The following ADGRG6 variants were observed in gnomAD, a reference collection of about 807,000 sequenced individuals.
ADGRG6 encodes the protein adhesion G protein-coupled receptor G6, also known as G-protein coupled receptor 126.
Under a neutral mutation model 142.4 loss-of-function variants are expected in ADGRG6, and 84 were observed. That is an observed-to-expected ratio of 0.59 (90% CI 0.49 to 0.71). The LOEUF (loss-of-function observed/expected upper bound fraction) is 0.71, where lower values mean the gene tolerates loss of function less well. ADGRG6 is among the 30% of genes least tolerant of loss of function. ADGRG6 has a pLI of 0.00. For missense variants in ADGRG6, 1,367 were observed against 1,466.6 expected, an observed-to-expected ratio of 0.93 and a Z score of 1.11; for synonymous variants, 521 against 520.5, an observed-to-expected ratio of 1.00 and a Z score of -0.01.
Position 142,409,912 on chromosome 6 carries a change from C to T in ADGRG6, c.2427C>T (p.Asn809=), listed in dbSNP as rs1209805688. 4.8e-6 allele frequency: 7 copies of T among 1,450,200 alleles called. No homozygotes were observed. Among genetic ancestry groups the T allele is most frequent in the Non-Finnish European group, 6.7e-6 (7 of 1,047,406 alleles). 89.8% of individuals were successfully genotyped at this position (1,450,200 alleles called of 1,614,324 possible). ...HHPICAFWDL[N]KNKSFGGWNT... ...CCATCTGTGCCTTCTGGGATCTGAA[C>T]AAAAACAGTAAGTTTTAAAATATTG... The change falls in exon 17 of 25, where the codon AAC becomes AAT. Residue 809 remains asparagine, a synonymous_variant. Transcript: ENST00000367609.
intron 24 of ADGRG6, among the ~76,000 whole-genome samples, chr6:142,440,158 G>A (rs537559961): frequency 6.6e-6 from 1 of 152,160 alleles, no homozygotes; most frequent in Non-Finnish European, 1.5e-5. Context: ...GATAGAAAGG[G>A]CTATAGGATT....
intron 14 of ADGRG6, 35 bp downstream of exon 14, chr6:142,404,008 T>A (rs1775671864): frequency 6.7e-7 from 1 of 1,485,744 alleles, no homozygotes; most frequent in Non-Finnish European, 9.4e-7. Flanking sequence ...TTTTAATTAA[T>A]TAGTTAGACA....
chr6:142,336,115 GTGTGCAGGTCTA>G (rs1216051439), intron 2 of ADGRG6, among the ~76,000 whole-genome samples: 2 of 152,144 alleles, frequency 1.3e-5, no homozygotes, highest in African/African-American at 2.4e-5. Flanking sequence ...GTGCCTCTCT[GTGTGCAGGTCTA>G]TGTGCAGGTC....
rs1289250831 is a variant in ADGRG6, at chr6:142,402,797, G to A, written c.1922G>A (p.Ser641Asn). 6.3e-7 allele frequency: 1 copy of A among 1,592,372 alleles called. No individual in the cohort carries two copies. Among genetic ancestry groups the A allele is most frequent in the Non-Finnish European group, 8.6e-7 (1 of 1,167,620 alleles). Residue 641 changes from serine to asparagine, a missense_variant, in exon 13 of 25, where the codon AGT (serine) becomes AAT (asparagine). Physicochemically the swap from Ser to Asn is conservative, Grantham distance 46. Coordinates refer to ENST00000367609, the MANE Select transcript of ADGRG6 (RefSeq NM_198569.3). ...LMNIFSNILSSSDSDLLESSS... is the reference protein window; with the variant it reads ...LMNIFSNILSNSDSDLLESSS... ...AATATATTTTCTAATATCTTAAGCAGTTCAGACAGTGACTTGCTTGAGTCA... is the reference window on the plus strand; with the variant it reads ...AATATATTTTCTAATATCTTAAGCAATTCAGACAGTGACTTGCTTGAGTCA...
intron 22 of ADGRG6, among the ~76,000 whole-genome samples, chr6:142,427,755 A>T (rs1777019111): frequency 1.3e-5 from 2 of 152,174 alleles, no homozygotes; most frequent in South Asian, 4.1e-4. Flanking sequence ...ATCAGGGCGG[A>T]GGGCAAGAAG....
rs765615712 is a variant in ADGRG6, at chr6:142,417,321, A to G, written c.2987A>G (p.Asn996Ser). 1.2e-5 allele frequency: 19 copies of G among 1,605,768 alleles called. No homozygotes were observed. In the Admixed American group the frequency reaches 1.8e-4, roughly 16 times the overall value. ...GTTGTTCTAGCGAGCAGAAACAACA[A>G]TGAAGTCTATGGAAAAGAAAGTTAT... ...VSVVLASRNN[N>S]EVYGKESYGK... is the part of the protein sequence containing the mutation. The change falls in exon 21 of 25, where the codon AAT becomes AGT. Residue 996 changes from asparagine to serine, a missense_variant. By Grantham distance (46) the Asn-to-Ser change is conservative. Transcript: ENST00000367609.
At chr6:142,425,534 C>G (rs1223535312) in intron 22 of ADGRG6, among the ~76,000 whole-genome samples, 1 of 152,152 alleles carries the variant, frequency 6.6e-6, no homozygotes, top group Admixed American at 6.6e-5. Flanking sequence ...CTTTAGAATG[C>G]AGAGCAACAT....
chr6:142,392,417 TA>T (rs2114977849), intron 7 of ADGRG6, among the ~76,000 whole-genome samples: 1 of 152,042 alleles, frequency 6.6e-6, no homozygotes, highest in Non-Finnish European at 1.5e-5. Context: ...GAACTTATTT[TA>T]TTTTTTTAAT....
At chr6:142,398,946 A>G (rs562463436) in intron 10 of ADGRG6, among the ~76,000 whole-genome samples, 5 of 152,242 alleles carry the variant, frequency 3.3e-5, no homozygotes, top group Admixed American at 2.6e-4. Context: ...CTTACTTCCC[A>G]CATATTTCCA....
chr6:142,417,256 TG>T lies in ADGRG6; in HGVS notation c.2939-15del. 2 of 1,346,762 alleles carry T rather than the reference TG, an allele frequency of 1.5e-6. No individual in the cohort carries two copies. The highest frequency in any genetic ancestry group is 2.1e-6 in the Non-Finnish European group (2 of 939,752). The allele number at this position is 1,346,762 out of a possible 1,614,324, so 83.4% of individuals were successfully genotyped here. ...AGATGCTTCAAAAGAGTTTGTGTCA[TG>T]GTGTTTTTGTAACAGGTTTGCCTGC... On this transcript the variant is annotated splice_polypyrimidine_tract_variant and intron_variant, in intron 20 of 24. Coordinates refer to ENST00000367609, the MANE Select transcript of ADGRG6 (RefSeq NM_198569.3).
At chr6:142,412,694 A>T (rs1776145602) in intron 18 of ADGRG6, among the ~76,000 whole-genome samples, 2 of 152,242 alleles carry the variant, frequency 1.3e-5, no homozygotes, top group Admixed American at 1.3e-4. Context: ...TTAAGTAATT[A>T]TAAAAGAAAA....
At chr6:142,359,516 G>A (rs1410031036) in intron 2 of ADGRG6, among the ~76,000 whole-genome samples, 1 of 151,976 alleles carries the variant, frequency 6.6e-6, no homozygotes, top group Non-Finnish European at 1.5e-5. Context: ...CCTTTACTTG[G>A]CTCACTCCCA....
At chr6:142,325,130 T>A (rs1394037795) in intron 2 of ADGRG6, among the ~76,000 whole-genome samples, 1 of 152,110 alleles carries the variant, frequency 6.6e-6, no homozygotes. Context: ...AAAAAGTACA[T>A]AGGATTTAAG....
At chr6:142,358,919 C>T (rs1368679845) in intron 2 of ADGRG6, among the ~76,000 whole-genome samples, 1 of 150,392 alleles carries the variant, frequency 6.6e-6, no homozygotes, top group Non-Finnish European at 1.5e-5. Context: ...CTGTGCTGGC[C>T]TGGTGCAGTG....
At chr6:142,427,731 G>A (rs1004373747) in intron 22 of ADGRG6, among the ~76,000 whole-genome samples, 1 of 152,174 alleles carries the variant, frequency 6.6e-6, no homozygotes, top group African/African-American at 2.4e-5. Context: ...CCATGTGACT[G>A]GGGAAGCCTC....
In ADGRG6 at chr6:142,402,721, A is replaced by T; in HGVS notation, c.1846A>T (p.Ile616Phe). The T allele has an allele frequency of 6.2e-7, 1 of 1,601,994 alleles. No homozygotes were observed. The highest frequency in any genetic ancestry group is 8.6e-7 in the Non-Finnish European group (1 of 1,169,494). The change falls in exon 13 of 25, where the codon ATT becomes TTT. Residue 616 changes from isoleucine (I) to phenylalanine (F), a missense_variant. Physicochemically the swap from Ile to Phe is conservative, Grantham distance 21 (BLOSUM62 0). Transcript: ENST00000367609. ...CAACATTGTGGAACAGGTCAAAAGAATTGTGAATAAAGAAGAAAACATTGA... is the reference window on the plus strand; with the variant it reads ...CAACATTGTGGAACAGGTCAAAAGATTTGTGAATAAAGAAGAAAACATTGA... ...ITNIVEQVKR[I>F]VNKEENIDIT...
intron 2 of ADGRG6, 45 bp downstream of exon 2, chr6:142,309,689 A>G (rs1777671956): frequency 1.6e-6 from 2 of 1,235,872 alleles, no homozygotes; most frequent in Non-Finnish European, 2.3e-6. Context: ...TCATGATGAC[A>G]TTGTCTGCAG....
chr6:142,385,740 A>G (rs1781988516), intron 6 of ADGRG6, among the ~76,000 whole-genome samples: 1 of 151,966 alleles, frequency 6.6e-6, no homozygotes, highest in Non-Finnish European at 1.5e-5. Flanking sequence ...GAGACAGACT[A>G]TATTAAGTTT....
chr6:142,437,712 G>A (rs1413765740), intron 23 of ADGRG6, among the ~76,000 whole-genome samples, 177 bp downstream of exon 23: 1 of 152,014 alleles, frequency 6.6e-6, no homozygotes, highest in Non-Finnish European at 1.5e-5. Flanking sequence ...AGAACTTTGA[G>A]CCCAACCCTT....
Sources: gnomAD v4.1 joint callset for allele counts (sites outside exome capture counted in the v4.1 genomes callset) on GRCh38, gnomAD v4.1.1 for gene constraint, MANE v1.5 for transcripts, NCBI Gene and HGNC (gene_info 2026-07-23, HGNC 2026-07-21) for gene names.